BICRAL: variants seen among roughly 807,000 people sequenced by gnomAD.
The protein encoded by BICRAL is BRD4-interacting chromatin-remodeling complex-associated protein-like.
BICRAL carries 8 observed loss-of-function variants against 91.8 expected under a neutral mutation model. The observed-to-expected ratio is 0.09, with a 90% CI of 0.05 to 0.16. The LOEUF (loss-of-function observed/expected upper bound fraction) is 0.16, where lower values mean the gene tolerates loss of function less well. BICRAL is among the 10% of genes least tolerant of loss of function. The pLI is 1.00. For synonymous variants in BICRAL, 445 were observed against 491.1 expected (o/e 0.91, Z 1.24); for missense variants, 1,038 against 1,310.9 (o/e 0.79, Z 3.21).
At chr6:42,749,031 G>A (rs1762334724) in intron 1 of BICRAL, among the ~76,000 whole-genome samples, 1 of 152,160 alleles carries the variant, frequency 6.6e-6, no homozygotes, top group South Asian at 2.1e-4. Context: ...ATATCTCAAA[G>A]GGCTTGTGAA....
chr6:42,842,455 C>T (rs1192113349), intron 6 of BICRAL, among the ~76,000 whole-genome samples: 2 of 152,162 alleles, frequency 1.3e-5, no homozygotes, highest in African/African-American at 4.8e-5. Context: ...CACAAATCTC[C>T]GACCTGGCAG....
intron 1 of BICRAL, among the ~76,000 whole-genome samples, chr6:42,756,901 T>G (rs1162227310): frequency 7.6e-6 from 1 of 131,404 alleles, no homozygotes; most frequent in Admixed American, 7.8e-5. Context: ...TCTCTCTCTC[T>G]CTCTCTCTCT....
rs893425307 is a variant in BICRAL, at chr6:42,793,820, G to A, written c.-102+11719G>A. Among the ~76,000 whole-genome samples the A allele has an allele frequency of 2.6e-4, 37 of 142,672 alleles. No homozygotes were observed. In the Middle Eastern group the frequency reaches 0.018, roughly 69 times the overall value. 93.6% of individuals were successfully genotyped at this position (142,672 alleles called of 152,430 possible). A position where few individuals can be genotyped will look rare whatever the true frequency, so the allele number is the denominator to read the frequency against. On this transcript the variant is annotated intron_variant, in intron 1 of 12. Transcript: ENST00000314073. ...GTCTTGCTCTGTTGCCCGGGCTGGA[G>A]TACAGTGGCCCCATCTCAGCTCACT...
At chr6:42,822,743 A>G in intron 3 of BICRAL, 53 bp from the exon 4 acceptor site, 3 of 958,938 alleles carry the variant, frequency 3.1e-6, no homozygotes, top group Non-Finnish European at 5.0e-6. Context: ...AGTTCTAAAT[A>G]TAGATAGTAT....
intron 2 of BICRAL, among the ~76,000 whole-genome samples, chr6:42,814,603 C>T (rs1001604793): frequency 6.8e-6 from 1 of 147,060 alleles, no homozygotes; most frequent in African/African-American, 2.5e-5. Context: ...CTCACTGCAG[C>T]CTCTGCCTCC....
At chr6:42,852,661 CAAAAAA>C (rs70990155) in intron 7 of BICRAL, among the ~76,000 whole-genome samples, 1 of 66,072 alleles carries the variant, frequency 1.5e-5, no homozygotes, top group Non-Finnish European at 3.5e-5. Context: ...GACTCTGTCT[CAAAAAA>C]AAAAAAAAAA....
At chr6:42,862,870 T>C (rs1765596571) in intron 12 of BICRAL, among the ~76,000 whole-genome samples, 1 of 152,186 alleles carries the variant, frequency 6.6e-6, no homozygotes, top group Non-Finnish European at 1.5e-5. Context: ...CATTTTAGAA[T>C]TTGGTGAACA....
chr6:42,798,145 C>T (rs1454707657), intron 1 of BICRAL, among the ~76,000 whole-genome samples: 1 of 151,232 alleles, frequency 6.6e-6, no homozygotes, highest in Non-Finnish European at 1.5e-5. Flanking sequence ...CAATGGTACG[C>T]ATGGACATAA....
At chr6:42,799,671 AATTAC>A (rs1027126940) in intron 1 of BICRAL, among the ~76,000 whole-genome samples, 4 of 152,134 alleles carry the variant, frequency 2.6e-5, no homozygotes, top group Non-Finnish European at 4.4e-5. Context: ...TGATACAAAT[AATTAC>A]AATACAAATT....
Position 42,753,697 on chromosome 6 carries a change from C to T in BICRAL, c.-261+6674C>T, listed in dbSNP as rs139330679. The stretch of plus-strand genomic sequence containing the variant: ...CACGACCTTGGCTCAGTGCAACCCC[C>T]GCCTCCTGGGTTCAAGTGATTCTCC... On this transcript the variant is annotated intron_variant, in intron 1 of 14. Coordinates refer to the BICRAL transcript ENST00000614467. Among the ~76,000 whole-genome samples the T allele has an allele frequency of 4.5e-3, 684 of 152,192 alleles. 4 individuals carry two copies. Among genetic ancestry groups the T allele is most frequent in the African/African-American group, 0.016 (656 of 41,526 alleles).
intron 1 of BICRAL, among the ~76,000 whole-genome samples, chr6:42,767,757 C>T (rs111501482): frequency 0.01 from 1,564 of 152,106 alleles, 24 homozygotes; most frequent in African/African-American, 0.035. Context: ...TGTGTGTTAT[C>T]AAGGAGGAAG....
At chr6:42,837,070 G>C (rs183527159) in intron 6 of BICRAL, among the ~76,000 whole-genome samples, 2 of 151,510 alleles carry the variant, frequency 1.3e-5, no homozygotes, top group Non-Finnish European at 2.9e-5. Context: ...TCAGCCTCCC[G>C]AGTAGCTGGG....
intron 1 of BICRAL, among the ~76,000 whole-genome samples, chr6:42,762,630 C>T (rs1762568972): frequency 1.3e-5 from 2 of 152,204 alleles, no homozygotes; most frequent in South Asian, 4.1e-4. Flanking sequence ...CAGTTTATGG[C>T]ATCATGCCTG....
chr6:42,816,754 C>A (rs1037813247), intron 2 of BICRAL, among the ~76,000 whole-genome samples: 4 of 152,128 alleles, frequency 2.6e-5, no homozygotes, highest in African/African-American at 9.7e-5. Context: ...GTGGCTCACG[C>A]CTGTAATCCC....
At chr6:42,852,258 T>C in intron 7 of BICRAL, 61 bp downstream of exon 7, 2 of 938,236 alleles carry the variant, frequency 2.1e-6, no homozygotes. Context: ...CTTCTCACTT[T>C]TCTCCCTCAT....
At chr6:42,761,217 G>A (rs1762542193) in intron 1 of BICRAL, among the ~76,000 whole-genome samples, 1 of 152,192 alleles carries the variant, frequency 6.6e-6, no homozygotes, top group Admixed American at 6.6e-5. Flanking sequence ...CAGTTTGGGA[G>A]GCTGAGGCTG....
upstream of BICRAL, among the ~76,000 whole-genome samples, chr6:42,777,454 A>G (rs191505976): frequency 1.6e-3 from 246 of 152,336 alleles, 1 homozygote; most frequent in African/African-American, 5.5e-3. Context: ...ATATAAGTAC[A>G]TCTATATGTA....
chr6:42,849,757 A>G (rs1765122235), intron 6 of BICRAL, among the ~76,000 whole-genome samples: 1 of 151,432 alleles, frequency 6.6e-6, no homozygotes, highest in Non-Finnish European at 1.5e-5. Flanking sequence ...AAATGTTAAC[A>G]TAAGTTTAGT....
chr6:42,864,182 A>T (rs1765639460), intron 12 of BICRAL, among the ~76,000 whole-genome samples: 1 of 151,252 alleles, frequency 6.6e-6, no homozygotes, highest in Admixed American at 6.6e-5. Flanking sequence ...AAAAAAAAAA[A>T]TACCACAATT....
Sources: allele counts gnomAD v4.1 joint callset (sites outside exome capture counted in the v4.1 genomes callset), GRCh38; gene constraint gnomAD v4.1.1; transcripts MANE v1.5; gene names NCBI Gene and HGNC (gene_info 2026-07-23, HGNC 2026-07-21).